The following KCNMB2 variants were observed in gnomAD, a reference collection of about 807,000 sequenced individuals.
KCNMB2 encodes potassium calcium-activated channel subfamily M regulatory beta subunit 2.
Under a neutral mutation model 24.5 loss-of-function variants are expected in KCNMB2, and 9 were observed. The ratio of observed to expected loss-of-function variants is 0.37; its 90% CI spans 0.22 to 0.64. The LOEUF (loss-of-function observed/expected upper bound fraction) is 0.64. Among genes scored for constraint, KCNMB2 ranks in the 30% least tolerant of loss-of-function variants. KCNMB2 has a pLI of 0.63. For missense variants in KCNMB2, 226 were observed against 284.3 expected (o/e 0.79, Z 1.47); for synonymous variants, 109 against 104.4 (o/e 1.04, Z -0.27).
chr3:178,830,025 A>G (rs78191527), intron 4 of KCNMB2, among the ~76,000 whole-genome samples: 9,963 of 152,248 alleles, frequency 0.065, 463 homozygotes, highest in Middle Eastern at 0.15. Context: ...CTGTACCCCA[A>G]AAACACCCTA....
intron 1 of KCNMB2, among the ~76,000 whole-genome samples, chr3:178,620,998 A>G (rs1349551534): frequency 6.6e-6 from 1 of 152,174 alleles, no homozygotes. Flanking sequence ...TTTGGAATTT[A>G]TTTTCATAGG....
chr3:178,621,452 G>C (rs1718917227), intron 1 of KCNMB2, among the ~76,000 whole-genome samples: 2 of 150,868 alleles, frequency 1.3e-5, no homozygotes, highest in African/African-American at 2.4e-5. Flanking sequence ...TATTTCTTTG[G>C]GTTTCTGCTT....
chr3:178,559,199 G>C (rs536187234), intron 1 of KCNMB2, among the ~76,000 whole-genome samples: 1 of 152,122 alleles, frequency 6.6e-6, no homozygotes, highest in South Asian at 2.1e-4. Context: ...AGTCAGGAGT[G>C]GAGGGACATG....
At chr3:178,802,476 GT>G (rs1181213195) in intron 1 of KCNMB2, among the ~76,000 whole-genome samples, 1 of 152,136 alleles carries the variant, frequency 6.6e-6, no homozygotes, top group Non-Finnish European at 1.5e-5. Flanking sequence ...CTCAGCACTG[GT>G]AGGAAGTGAG....
intron 1 of KCNMB2, among the ~76,000 whole-genome samples, chr3:178,625,841 T>A (rs933852117): frequency 6.6e-6 from 1 of 152,208 alleles, no homozygotes; most frequent in Non-Finnish European, 1.5e-5. Context: ...GGGTCACGTG[T>A]TCGTGTTCTT....
At chr3:178,838,728 C>T (rs1053297961) in intron 4 of KCNMB2, among the ~76,000 whole-genome samples, 2 of 152,134 alleles carry the variant, frequency 1.3e-5, no homozygotes, top group African/African-American at 4.8e-5. Flanking sequence ...CAGGCTTCTA[C>T]CCCAAAACCT....
Position 178,838,683 on chromosome 3 carries a change from T to G in KCNMB2, c.424-3970T>G, listed in dbSNP as rs546244424. On this transcript the variant is annotated intron_variant, in intron 4 of 4. Coordinates refer to ENST00000452583, the MANE Select transcript of KCNMB2 (RefSeq NM_181361.3). ...CTTTGTTTTTTAAATACTTTGTTCC[T>G]GGGAAATCTACTGGTCTAAATTTTT... Among the ~76,000 whole-genome samples the G allele has an allele frequency of 2.7e-3, 408 of 152,252 alleles. 2 individuals are homozygous for G. The highest frequency in any genetic ancestry group is 9.4e-3 in the African/African-American group (389 of 41,542).
At chr3:178,543,405 T>G (rs1715683543) in intron 1 of KCNMB2, among the ~76,000 whole-genome samples, 1 of 152,238 alleles carries the variant, frequency 6.6e-6, no homozygotes, top group Admixed American at 6.5e-5. Context: ...CTGCGCTGAC[T>G]GAAACCCTGA....
intron 1 of KCNMB2, among the ~76,000 whole-genome samples, chr3:178,698,549 G>A (rs1462779109): frequency 1.3e-5 from 2 of 152,108 alleles, no homozygotes. Flanking sequence ...TCATTGCATT[G>A]GGTTTCAACA....
At chr3:178,555,617 G>A (rs924541424) in intron 1 of KCNMB2, among the ~76,000 whole-genome samples, 1 of 152,204 alleles carries the variant, frequency 6.6e-6, no homozygotes, top group Non-Finnish European at 1.5e-5. Context: ...TCACTTTATG[G>A]TGAATAGCCA....
chr3:178,667,501 C>T (rs913161705), intron 1 of KCNMB2, among the ~76,000 whole-genome samples: 1 of 152,234 alleles, frequency 6.6e-6, no homozygotes, highest in East Asian at 1.9e-4. Context: ...TGATCTTAGA[C>T]TTCCCAGCCT....
chr3:178,731,826 C>T (rs1225264155), intron 1 of KCNMB2, among the ~76,000 whole-genome samples: 1 of 152,196 alleles, frequency 6.6e-6, no homozygotes, highest in Non-Finnish European at 1.5e-5. Flanking sequence ...TCGCTTGATC[C>T]CGTGGGGCAG....
At chr3:178,654,379 T>C (rs755415813) in intron 1 of KCNMB2, among the ~76,000 whole-genome samples, 2 of 152,102 alleles carry the variant, frequency 1.3e-5, no homozygotes, top group Non-Finnish European at 2.9e-5. Flanking sequence ...GATAAAATAA[T>C]ATTTACAGGA....
chr3:178,594,560 G>A (rs574208654), intron 1 of KCNMB2, among the ~76,000 whole-genome samples: 4 of 152,152 alleles, frequency 2.6e-5, no homozygotes, highest in African/African-American at 9.6e-5. Context: ...AATAGAAAGA[G>A]CATGTTTGCA....
At chr3:178,702,521 G>A (rs1367270189) in intron 1 of KCNMB2, among the ~76,000 whole-genome samples, 1 of 152,052 alleles carries the variant, frequency 6.6e-6, no homozygotes, top group East Asian at 1.9e-4. Flanking sequence ...GTGTGAAACT[G>A]AGCCCCACTG....
chr3:178,662,730 A>C (rs1253252912), intron 1 of KCNMB2, among the ~76,000 whole-genome samples: 1 of 152,166 alleles, frequency 6.6e-6, no homozygotes, highest in African/African-American at 2.4e-5. Flanking sequence ...AATGATTTTT[A>C]ATTATAATAA....
At chr3:178,664,100 C>G (rs1354268456) in intron 1 of KCNMB2, among the ~76,000 whole-genome samples, 1 of 152,166 alleles carries the variant, frequency 6.6e-6, no homozygotes, top group East Asian at 1.9e-4. Context: ...GCACTTTTAC[C>G]TCCTGATGGT....
At chr3:178,757,725 T>C (rs1240560137) in intron 1 of KCNMB2, among the ~76,000 whole-genome samples, 3 of 81,438 alleles carry the variant, frequency 3.7e-5, no homozygotes, top group Non-Finnish European at 4.8e-5. Context: ...TATATGTATA[T>C]ATATCCAAGA....
At chr3:178,825,560 T>C (rs929344511) in intron 2 of KCNMB2, 28 bp from the exon 3 acceptor site, 14 of 1,593,256 alleles carry the variant, frequency 8.8e-6, no homozygotes, top group Non-Finnish European at 1.2e-5. Context: ...CTAAACTTAA[T>C]GTAAGACCAT....
Sources: gnomAD v4.1 joint callset for allele counts (sites outside exome capture counted in the v4.1 genomes callset) on GRCh38, gnomAD v4.1.1 for gene constraint, MANE v1.5 for transcripts, NCBI Gene and HGNC (gene_info 2026-07-23, HGNC 2026-07-21) for gene names.